The following SPTBN1 variants were observed in gnomAD, a reference collection of about 807,000 sequenced individuals.
SPTBN1 encodes the protein spectrin beta, non-erythrocytic 1.
SPTBN1 carries 32 observed loss-of-function variants against 266.4 expected under a neutral mutation model. That is an observed-to-expected ratio of 0.12 (90% CI 0.09 to 0.16). The LOEUF (loss-of-function observed/expected upper bound fraction) is 0.16. Ranked by LOEUF, SPTBN1 falls within the 10% of genes least tolerant of loss-of-function variation. The pLI is 1.00. For synonymous variants in SPTBN1, 1,336 were observed against 1,162.2 expected (o/e 1.15, Z -3.04); for missense variants, 2,296 against 3,067.1 (o/e 0.75, Z 5.94).
At chr2:54,463,527 G>A (rs1474943877) in intron 1 of SPTBN1, among the ~76,000 whole-genome samples, 1 of 152,204 alleles carries the variant, frequency 6.6e-6, no homozygotes, top group Non-Finnish European at 1.5e-5. Context: ...CACACGCTAA[G>A]TGACCTTGGG....
chr2:54,490,012 C>T (rs1668601746), intron 1 of SPTBN1, among the ~76,000 whole-genome samples: 1 of 151,856 alleles, frequency 6.6e-6, no homozygotes, highest in Non-Finnish European at 1.5e-5. Flanking sequence ...GCTGGTCTCA[C>T]AGAACACCCC....
chr2:54,563,696 C>T (rs780486965), intron 2 of SPTBN1, among the ~76,000 whole-genome samples: 25 of 142,070 alleles, frequency 1.8e-4, no homozygotes, highest in Non-Finnish European at 3.0e-4. Context: ...CTCTGCCTTC[C>T]GGGTTCAAGC....
intron 2 of SPTBN1, among the ~76,000 whole-genome samples, chr2:54,574,177 A>G (rs1423371396): frequency 2.0e-5 from 3 of 152,060 alleles, no homozygotes; most frequent in Non-Finnish European, 4.4e-5. Context: ...TATTTATGAC[A>G]TACATTATCT....
chr2:54,483,133 A>C (rs1668183426), intron 1 of SPTBN1, among the ~76,000 whole-genome samples: 1 of 152,194 alleles, frequency 6.6e-6, no homozygotes, highest in Non-Finnish European at 1.5e-5. Context: ...GGGTTAAACT[A>C]GGTGAGAGGA....
At chr2:54,491,376 A>G (rs1668675072) in intron 1 of SPTBN1, among the ~76,000 whole-genome samples, 3 of 152,318 alleles carry the variant, frequency 2.0e-5, no homozygotes, top group South Asian at 4.1e-4. Context: ...ATTACCAACT[A>G]GATAATAGGA....
rs72806655 is a variant in SPTBN1 at position 54,667,038 on chromosome 2, C to T, written c.6834-566C>T. Among the ~76,000 whole-genome samples, 953 of 152,340 alleles carry T rather than the reference C, an allele frequency of 6.3e-3. 4 individuals carry two copies. Among genetic ancestry groups the T allele is most frequent in the Non-Finnish European group, 0.011 (764 of 68,018 alleles). On this transcript the variant is annotated intron_variant, in intron 34 of 35. Transcript: ENST00000356805. ...ACGGCCCCTACCCTGTGTTACACAA[C>T]AGTACCCTCGTCCTCTCCGCAGCCA...
intron 2 of SPTBN1, among the ~76,000 whole-genome samples, chr2:54,571,691 T>C (rs1311297302): frequency 1.3e-5 from 1 of 76,224 alleles, no homozygotes; most frequent in Non-Finnish European, 2.5e-5. Context: ...AGGAGGATAG[T>C]GTGTTAGTGT....
chr2:54,587,650 C>G (rs1675380252), intron 2 of SPTBN1, among the ~76,000 whole-genome samples: 1 of 152,148 alleles, frequency 6.6e-6, no homozygotes, highest in Admixed American at 6.5e-5. Flanking sequence ...GAAGAGCCTT[C>G]AGCTTGTGGG....
At chr2:54,542,355 A>C (rs996133895) in intron 2 of SPTBN1, among the ~76,000 whole-genome samples, 3 of 152,262 alleles carry the variant, frequency 2.0e-5, no homozygotes, top group African/African-American at 7.2e-5. Flanking sequence ...AGGCAGGACT[A>C]TAGGAGTGAA....
chr2:54,667,668 C>G, intron 35 of SPTBN1, 22 bp downstream of exon 35: 2 of 1,609,476 alleles, frequency 1.2e-6, no homozygotes, highest in South Asian at 2.2e-5. Flanking sequence ...AATGTTATTT[C>G]TCTCCACTAC....
At chr2:54,592,309 A>T (rs751584627) in intron 2 of SPTBN1, among the ~76,000 whole-genome samples, 5 of 152,214 alleles carry the variant, frequency 3.3e-5, no homozygotes, top group Non-Finnish European at 7.3e-5. Context: ...TGGAGAGGAT[A>T]TTCACAGCCC....
chr2:54,493,961 CAAAG>C (rs1195143397), intron 1 of SPTBN1, among the ~76,000 whole-genome samples: 1 of 152,126 alleles, frequency 6.6e-6, no homozygotes, highest in Non-Finnish European at 1.5e-5. Context: ...GGAACACATG[CAAAG>C]AAAGGGTCCT....
At chr2:54,485,171 T>C (rs1002330944) in intron 1 of SPTBN1, among the ~76,000 whole-genome samples, 1 of 151,754 alleles carries the variant, frequency 6.6e-6, no homozygotes, top group Non-Finnish European at 1.5e-5. Context: ...TCCCTCTCCC[T>C]CCGTCTCCCT....
At position 54,626,258 on chromosome 2, in the gene SPTBN1, A is replaced by AC. The variant is rs1422733522; in HGVS notation, c.1644+25dup. 6.2e-7 allele frequency: 1 copy of AC among 1,602,766 alleles called. No homozygotes were observed. Among genetic ancestry groups the AC allele is most frequent in the African/African-American group, 1.3e-5 (1 of 74,662 alleles). Reference sequence around the variant, plus strand: ...AGGTAAAACCTGACCGAAAGGAAGGACGACAGAGCTGATCCAACCAGGGCT... The same window carrying AC: ...AGGTAAAACCTGACCGAAAGGAAGGACCGACAGAGCTGATCCAACCAGGGCT... On this transcript the variant is annotated intron_variant, in intron 12 of 35. Coordinates refer to ENST00000356805, the MANE Select transcript of SPTBN1 (RefSeq NM_003128.3). The surrounding 1 kb of genome is among the most constrained non-coding windows in gnomAD (Gnocchi z 4.7).
intron 2 of SPTBN1, among the ~76,000 whole-genome samples, chr2:54,536,833 A>T (rs1027062735): frequency 6.6e-6 from 1 of 151,872 alleles, no homozygotes. Context: ...GTAGTTAAAG[A>T]CCAGCCTGGC....
chr2:54,655,895 G>GA lies in SPTBN1; in HGVS notation c.5962-18dup. 6.2e-7 allele frequency: 1 copy of GA among 1,601,206 alleles called. No individual in the cohort carries two copies. The highest frequency in any genetic ancestry group is 8.5e-7 in the Non-Finnish European group (1 of 1,169,774). On this transcript the variant is annotated intron_variant, in intron 28 of 35. Transcript: ENST00000356805. ...GTGCATTCCATTAAGATGTCCCGGG[G>GA]ATCCTCTTTTTCATACAGATCAAGG...
At position 54,492,338 on chromosome 2, in the gene SPTBN1, G is replaced by GGTT. The variant is rs1558775035; in HGVS notation, c.-47-34034_-47-34033insGTT. Among the ~76,000 whole-genome samples, 17 of 118,100 alleles carry GGTT rather than the reference G, an allele frequency of 1.4e-4. 1 individual carries two copies. Among genetic ancestry groups the GGTT allele is most frequent in the Admixed American group, 3.3e-4 (4 of 12,284 alleles). 77.5% of individuals were successfully genotyped at this position (118,100 alleles called of 152,430 possible). A position where few individuals can be genotyped will look rare whatever the true frequency, so the allele number is the denominator to read the frequency against. The stretch of plus-strand genomic sequence containing the variant: ...TTACTGGACATTTAGTTTGTCTGCA[G>GGTT]TTGTTTTTTTGTTTTTTTTTTTTTT... On this transcript the variant is annotated intron_variant, in intron 1 of 35. Coordinates refer to ENST00000356805, the MANE Select transcript of SPTBN1 (RefSeq NM_003128.3).
intron 2 of SPTBN1, among the ~76,000 whole-genome samples, chr2:54,561,871 A>T (rs1329507475): frequency 2.4e-5 from 2 of 83,824 alleles, no homozygotes; most frequent in African/African-American, 4.4e-5. Context: ...TCAGTAAATA[A>T]GTGTGATTAA....
chr2:54,646,540 T>G lies in SPTBN1; in HGVS notation c.4866+65T>G. 1 of 1,427,254 alleles carries G rather than the reference T, an allele frequency of 7.0e-7. No homozygotes were observed. 88.4% of individuals were successfully genotyped at this position (1,427,254 alleles called of 1,614,324 possible). On this transcript the variant is annotated intron_variant, in intron 23 of 35. Transcript: ENST00000356805. The surrounding 1 kb of genome is among the most constrained non-coding windows in gnomAD (Gnocchi z 4.4). The stretch of plus-strand genomic sequence containing the variant: ...TCAGATTCAAACCCTGGGCACACTT[T>G]CTGCTGGCGGCTCTGTCTGTATAAA...
Sources: gnomAD v4.1 joint callset for allele counts (sites outside exome capture counted in the v4.1 genomes callset) on GRCh38, gnomAD v4.1.1 for gene constraint, Gnocchi (gnomAD v3.1) non-coding constraint, MANE v1.5 for transcripts, NCBI Gene and HGNC (gene_info 2026-07-23, HGNC 2026-07-21) for gene names.